POU2AF2: variants seen among roughly 807,000 people sequenced by gnomAD.
The protein encoded by POU2AF2 is POU class 2 homeobox associating factor 2, also known as POU domain class 2-associating factor 2.
chr11:111,261,918 G>C, the POU2AF2 span, among the ~76,000 whole-genome samples: 1 of 152,200 alleles, frequency 6.6e-6, no homozygotes, highest in African/African-American at 2.4e-5. Context: ...AGTGAGAAAT[G>C]TATTTAGATA....
chr11:111,275,091 T>C, the POU2AF2 span, among the ~76,000 whole-genome samples: 1 of 152,204 alleles, frequency 6.6e-6, no homozygotes, highest in Non-Finnish European at 1.5e-5. Context: ...TCTGTTATAA[T>C]TTAAATGTCT....
At chr11:111,255,929 A>G in the POU2AF2 span, 6 of 398,796 alleles carry the variant, frequency 1.5e-5, no homozygotes, top group Non-Finnish European at 2.2e-5. Flanking sequence ...GTCCTTTGGG[A>G]GCTTAACCTA....
At chr11:111,267,038 GT>G in the POU2AF2 span, among the ~76,000 whole-genome samples, 1 of 152,114 alleles carries the variant, frequency 6.6e-6, no homozygotes, top group Non-Finnish European at 1.5e-5. Context: ...GAACACATTT[GT>G]CTCCCCAATC....
chr11:111,284,162 G>C, the POU2AF2 span: 1 of 1,614,176 alleles, frequency 6.2e-7, no homozygotes, highest in Admixed American at 1.7e-5. Context: ...GTTTTCAAAT[G>C]ACGTCTACAC....
At chr11:111,250,943 G>T in the POU2AF2 span, among the ~76,000 whole-genome samples, 1 of 152,152 alleles carries the variant, frequency 6.6e-6, no homozygotes, top group Non-Finnish European at 1.5e-5. Flanking sequence ...CTGTTTCAGG[G>T]AACAGGGTCA....
At chr11:111,261,287 ACACACATAAT>A in the POU2AF2 span, among the ~76,000 whole-genome samples, 1 of 89,802 alleles carries the variant, frequency 1.1e-5, no homozygotes, top group Non-Finnish European at 2.7e-5. Context: ...ACACACACAC[ACACACATAAT>A]TAAGTTCTGA....
the POU2AF2 span, among the ~76,000 whole-genome samples, chr11:111,262,601 T>C: frequency 1.3e-5 from 2 of 152,200 alleles, no homozygotes; most frequent in African/African-American, 4.8e-5. Flanking sequence ...CCATGAAACT[T>C]TGGGTAACAC....
the POU2AF2 span, chr11:111,256,060 C>T: frequency 4.3e-5 from 17 of 399,046 alleles, no homozygotes; most frequent in East Asian, 3.6e-5. Flanking sequence ...GGCAGAAAAA[C>T]GATCCGGGCA....
chr11:111,265,695 G>C, the POU2AF2 span, among the ~76,000 whole-genome samples: 1 of 152,070 alleles, frequency 6.6e-6, no homozygotes, highest in African/African-American at 2.4e-5. Flanking sequence ...TCTCAGCAAA[G>C]GTGTGCCACA....
At chr11:111,264,457 C>G in the POU2AF2 span, among the ~76,000 whole-genome samples, 11 of 146,528 alleles carry the variant, frequency 7.5e-5, no homozygotes, top group Middle Eastern at 0.01. Context: ...GATTGCACCA[C>G]TGCACTGCAG....
chr11:111,281,866 G>A, the POU2AF2 span, among the ~76,000 whole-genome samples: 2 of 152,142 alleles, frequency 1.3e-5, no homozygotes, highest in South Asian at 4.2e-4. Flanking sequence ...GATGTAAAAG[G>A]GGAATTCCTA....
chr11:111,279,856 A>T, the POU2AF2 span, among the ~76,000 whole-genome samples: 1 of 151,668 alleles, frequency 6.6e-6, no homozygotes, highest in Non-Finnish European at 1.5e-5. Flanking sequence ...AGCCTGGCCA[A>T]CACAGTGAAA....
chr11:111,283,540 G>A, the POU2AF2 span, among the ~76,000 whole-genome samples: 1 of 152,176 alleles, frequency 6.6e-6, no homozygotes, highest in Admixed American at 6.5e-5. Context: ...ATTTATTGAT[G>A]TCTGCCAGGC....
the POU2AF2 span, chr11:111,284,053 A>C: frequency 2.5e-6 from 4 of 1,603,482 alleles, no homozygotes; most frequent in South Asian, 4.4e-5. Context: ...TTTTCTGCCC[A>C]TGTGTTTTTC....
the POU2AF2 span, among the ~76,000 whole-genome samples, chr11:111,246,314 G>A: frequency 6.6e-6 from 1 of 152,162 alleles, no homozygotes; most frequent in South Asian, 2.1e-4. Context: ...AGGCTTTTAA[G>A]GCTAAGAAGT....
chr11:111,267,477 T>C, the POU2AF2 span, among the ~76,000 whole-genome samples: 1 of 152,202 alleles, frequency 6.6e-6, no homozygotes, highest in East Asian at 1.9e-4. Flanking sequence ...TCTGAGCTTT[T>C]CTTCTTACCT....
At chr11:111,254,312 G>C in the POU2AF2 span, among the ~76,000 whole-genome samples, 4 of 152,220 alleles carry the variant, frequency 2.6e-5, no homozygotes, top group Admixed American at 2.6e-4. Flanking sequence ...GTCAAAATTA[G>C]ACACAAATGA....
At chr11:111,279,395 A>G in the POU2AF2 span, among the ~76,000 whole-genome samples, 1 of 152,228 alleles carries the variant, frequency 6.6e-6, no homozygotes, top group African/African-American at 2.4e-5. Flanking sequence ...GTATCATCTC[A>G]TAGATAGCTC....
chr11:111,268,474 C>CTTTTTTT, the POU2AF2 span, among the ~76,000 whole-genome samples: 12 of 70,834 alleles, frequency 1.7e-4, 1 homozygote, highest in South Asian at 8.5e-4. Context: ...CTACATTTTT[C>CTTTTTTT]TTTTTTTATT....
Sources: gnomAD v4.1 joint callset for allele counts (sites outside exome capture counted in the v4.1 genomes callset) on GRCh38, gnomAD v4.1.1 for gene constraint, MANE v1.5 for transcripts, NCBI Gene and HGNC (gene_info 2026-07-23, HGNC 2026-07-21) for gene names.